CEP350: variants seen among roughly 807,000 people sequenced by gnomAD.
The protein encoded by CEP350 is centrosome-associated protein 350.
A neutral mutation model predicts 331.8 loss-of-function variants in CEP350; 126 were observed. The observed-to-expected ratio is 0.38, with a 90% confidence interval of 0.33 to 0.44. CEP350 has a LOEUF of 0.44. Among genes scored for constraint, CEP350 ranks in the 20% least tolerant of loss-of-function variants. The pLI is 1.00. For synonymous variants in CEP350, 1,200 were observed against 1,259.5 expected, an observed-to-expected ratio of 0.95 and a Z score of 1.00; for missense variants, 3,406 against 3,634.6, an observed-to-expected ratio of 0.94 and a Z score of 1.62.
rs543182352 is a variant in CEP350 at position 179,971,926 on chromosome 1, TC to T, written c.-13-14240del. On this transcript the variant is annotated intron_variant, in intron 1 of 37. Transcript: ENST00000367607. The stretch of plus-strand genomic sequence containing the variant: ...AAAGAGTGTGAGAGACCCTCAAAGA[TC>T]CCTGAACCATACTTTGAGAACTGGT... 2.6e-4 allele frequency among the ~76,000 whole-genome samples: 40 copies of T among 152,110 alleles called. No individual in the cohort carries two copies. The South Asian group carries it at 7.7e-3, about 29-fold the overall frequency.
chr1:180,095,775 G>A lies in CEP350; in HGVS notation c.8764G>A (p.Glu2922Lys). 1.2e-6 allele frequency: 2 copies of A among 1,613,988 alleles called. No homozygotes were observed. The highest frequency in any genetic ancestry group is 8.5e-7 in the Non-Finnish European group (1 of 1,179,882). ...ATTGGCAGTCCCCCATACTGCAGAA[G>A]AAGTAGAGATTCTTGTACATAATGC... Reference protein sequence around the residue: ...TLLAVPHTAEEVEILVHNAAE... With the variant: ...TLLAVPHTAEKVEILVHNAAE... The change falls in exon 35 of 38, where the codon GAA becomes AAA. Residue 2922 changes from glutamate to lysine, a missense_variant. Glu to Lys is a moderately conservative substitution (Grantham distance 56). Around this residue, in one of 5 missense-constraint regions of CEP350, gnomAD observed 1,415 missense variants for 1,512.3 expected, o/e 0.94. Transcript: ENST00000367607.
chr1:180,020,568 A>C lies in CEP350; in HGVS notation c.2794A>C (p.Ile932Leu). The change falls in exon 12 of 38, where the codon ATA becomes CTA. Residue 932 changes from isoleucine to leucine, a missense_variant. Physicochemically the swap from Ile to Leu is conservative, Grantham distance 5. Around this residue, in one of 5 missense-constraint regions of CEP350, gnomAD observed 1,857 missense variants for 1,909.2 expected, o/e 0.97. Transcript: ENST00000367607. ...TGAGATGATAAGACCACAGAGTGCC[A>C]TATCAAGCTTTAGAGTGAGATCCCC... is the stretch of plus-strand genomic sequence containing the variant. ...LPEMIRPQSA[I>L]SSFRVRSPGP... is the part of the protein sequence containing the mutation. 6.2e-7 allele frequency: 1 copy of C among 1,614,038 alleles called. No homozygotes were observed. The highest frequency in any genetic ancestry group is 8.5e-7 in the Non-Finnish European group (1 of 1,179,896).
intron 1 of CEP350, among the ~76,000 whole-genome samples, chr1:179,962,503 G>A (rs1233140551): frequency 1.3e-5 from 2 of 151,916 alleles, no homozygotes; most frequent in South Asian, 2.1e-4. Context: ...TCCGCCTCCC[G>A]GGTCCAAGCA....
intron 1 of CEP350, among the ~76,000 whole-genome samples, chr1:179,973,979 A>G (rs1571798421): frequency 6.9e-6 from 1 of 145,980 alleles, no homozygotes; most frequent in African/African-American, 2.5e-5. Context: ...GACCCATCAT[A>G]CCTCCTTCTT....
intron 37 of CEP350, among the ~76,000 whole-genome samples, chr1:180,099,243 G>A (rs1401714126): frequency 2.0e-5 from 3 of 152,164 alleles, no homozygotes; most frequent in Non-Finnish European, 4.4e-5. Context: ...AAAGTTTAAG[G>A]TAGTGAATTG....
chr1:180,029,501 T>C (rs1316431789), intron 14 of CEP350, among the ~76,000 whole-genome samples: 1 of 152,204 alleles, frequency 6.6e-6, no homozygotes, highest in Non-Finnish European at 1.5e-5. Flanking sequence ...CTGTTTTAAG[T>C]GTACAGTTGA....
chr1:180,021,146 T>C (rs890818997), intron 12 of CEP350, 137 bp downstream of exon 12: 2 of 618,118 alleles, frequency 3.2e-6, no homozygotes, highest in Non-Finnish European at 2.4e-6. Context: ...GTATTAGTCA[T>C]CTTCTAAATT....
chr1:180,102,191 A>G (rs986917691), intron 37 of CEP350, among the ~76,000 whole-genome samples: 5 of 148,476 alleles, frequency 3.4e-5, no homozygotes, highest in Non-Finnish European at 5.9e-5. Flanking sequence ...GCTGGAGTGC[A>G]GTGGCACCAC....
At chr1:180,021,079 ATATGTACT>A in intron 12 of CEP350, 70 bp downstream of exon 12, 1 of 1,347,446 alleles carries the variant, frequency 7.4e-7, no homozygotes, top group Non-Finnish European at 9.7e-7. Flanking sequence ...TCTGTATGAG[ATATGTACT>A]TTAGTACACA....
chr1:180,036,781 G>GTAT, intron 16 of CEP350, 145 bp from the exon 17 acceptor site: 1 of 754,856 alleles, frequency 1.3e-6, no homozygotes, highest in South Asian at 2.8e-5. Context: ...TGAACCTGCA[G>GTAT]TATCTCCAAG....
intron 27 of CEP350, among the ~76,000 whole-genome samples, chr1:180,066,640 T>C (rs761751563): frequency 6.6e-5 from 10 of 152,306 alleles, no homozygotes; most frequent in East Asian, 1.9e-4. Flanking sequence ...ATTAAAAATA[T>C]AAGAGGTGAA....
chr1:180,112,848 A>G lies in CEP350; in HGVS notation c.*1687A>G, dbSNP rs1661525512. 1 of 152,610 alleles carries G rather than the reference A, an allele frequency of 6.6e-6. No individual in the cohort carries two copies. Among genetic ancestry groups the G allele is most frequent in the African/African-American group, 2.4e-5 (1 of 41,438 alleles). The allele number at this position is 152,610 out of a possible 1,614,324, so 9.5% of individuals were successfully genotyped here. A position where few individuals can be genotyped will look rare whatever the true frequency, so the allele number is the denominator to read the frequency against. ...CACACTCCCATTCCTCTTGGGTTTC[A>G]TCTTGTCGTTTAAGAAATGTACTGA... On this transcript the variant is annotated 3_prime_UTR_variant, in exon 38 of 38. Coordinates refer to ENST00000367607, the MANE Select transcript of CEP350 (RefSeq NM_014810.5).
chr1:179,977,967 A>C (rs1651998306), intron 1 of CEP350, among the ~76,000 whole-genome samples: 1 of 150,346 alleles, frequency 6.7e-6, no homozygotes, highest in Non-Finnish European at 1.5e-5. Context: ...ATATTTTATA[A>C]AATAAAATAT....
chr1:179,965,615 C>CTTTTTTTTTTTTTTT (rs747027286), intron 1 of CEP350, among the ~76,000 whole-genome samples: 8 of 84,418 alleles, frequency 9.5e-5, no homozygotes, highest in Non-Finnish European at 1.3e-4. Flanking sequence ...TTTTTCTTTT[C>CTTTTTTTTTTTTTTT]TTTTTTTTTT....
chr1:180,064,616 T>C (rs907391844), intron 26 of CEP350, among the ~76,000 whole-genome samples: 6 of 152,218 alleles, frequency 3.9e-5, no homozygotes, highest in African/African-American at 1.4e-4. Context: ...TTACAAACTT[T>C]TTTAATTTTT....
At chr1:179,956,403 A>G (rs16855014) in intron 1 of CEP350, among the ~76,000 whole-genome samples, 4,588 of 152,298 alleles carry the variant, frequency 0.03, 119 homozygotes, top group South Asian at 0.072. Context: ...AGAGATGGCA[A>G]GTTGTATATG....
intron 1 of CEP350, among the ~76,000 whole-genome samples, chr1:179,978,009 TAGC>T (rs1354590921): frequency 5.9e-5 from 9 of 151,622 alleles, no homozygotes; most frequent in East Asian, 1.9e-4. Flanking sequence ...TTTTAGTAAA[TAGC>T]AGGAGCACAC....
chr1:180,061,717 A>G (rs903120659), intron 25 of CEP350, among the ~76,000 whole-genome samples: 1 of 152,196 alleles, frequency 6.6e-6, no homozygotes, highest in Non-Finnish European at 1.5e-5. Context: ...TTTAAGAACC[A>G]TAAAATGATT....
At chr1:179,994,905 T>C (rs543950212) in intron 5 of CEP350, among the ~76,000 whole-genome samples, 10 of 152,194 alleles carry the variant, frequency 6.6e-5, no homozygotes, top group Non-Finnish European at 1.0e-4. Flanking sequence ...TACTATGTTA[T>C]GTTGTTGTGG....
Sources: allele counts gnomAD v4.1 joint callset (sites outside exome capture counted in the v4.1 genomes callset), GRCh38; gene constraint gnomAD v4.1.1; regional missense constraint gnomAD v4.1.1; transcripts MANE v1.5; gene names NCBI Gene and HGNC (gene_info 2026-07-23, HGNC 2026-07-21).